Variants in CD38 observed in about 807,000 individuals in gnomAD.
CD38 encodes the protein CD38 molecule.
Under a neutral mutation model 36.3 loss-of-function variants are expected in CD38, and 31 were observed. The observed-to-expected ratio is 0.85, with a 90% CI of 0.64 to 1.15. The LOEUF (loss-of-function observed/expected upper bound fraction) is 1.15. Ranked by LOEUF, CD38 falls within the 50% of genes most tolerant of loss-of-function variation. The pLI, the probability that CD38 is intolerant of heterozygous loss-of-function variation, is 0.00. For missense variants in CD38, 380 were observed against 371.9 expected (o/e 1.02, Z -0.18); for synonymous variants, 131 against 135.2 (o/e 0.97, Z 0.22).
intron 3 of CD38, chr4:15,825,754 A>G (rs1264196466): frequency 6.6e-6 from 1 of 152,238 alleles, no homozygotes; most frequent in Non-Finnish European, 1.5e-5. Context: ...AGTCTAGAAC[A>G]GGATGAGGTC....
At chr4:15,840,202 C>G in intron 6 of CD38, 84 bp downstream of exon 6, 1 of 961,516 alleles carries the variant, frequency 1.0e-6, no homozygotes. Context: ...GCACTGGGAA[C>G]AAATTGACTC....
intron 2 of CD38, among the ~76,000 whole-genome samples, chr4:15,820,068 A>T (rs1304090268): frequency 6.6e-6 from 1 of 152,244 alleles, no homozygotes; most frequent in African/African-American, 2.4e-5. Context: ...ATAATTTCCA[A>T]CCTTGAATTT....
intron 1 of CD38, among the ~76,000 whole-genome samples, chr4:15,789,443 A>C (rs1190533486): frequency 1.3e-5 from 2 of 152,210 alleles, no homozygotes; most frequent in Admixed American, 6.5e-5. Flanking sequence ...CACCGAGTAC[A>C]TTTAAAAGTG....
chr4:15,847,774 CT>C (rs1235730989), intron 7 of CD38, among the ~76,000 whole-genome samples: 1 of 152,100 alleles, frequency 6.6e-6, no homozygotes, highest in Non-Finnish European at 1.5e-5. Flanking sequence ...AAACATTAAC[CT>C]TTTTCTCATA....
intron 3 of CD38, among the ~76,000 whole-genome samples, chr4:15,832,511 G>A (rs1450435862): frequency 6.6e-6 from 1 of 152,158 alleles, no homozygotes; most frequent in Non-Finnish European, 1.5e-5. Context: ...CACTCATGGA[G>A]GTACCACCTT....
rs144803391 is a variant in CD38, at chr4:15,833,327, T to C, written c.500-890T>C. ...CAGGGCCCAAGGGCTCTTCAGTTAG[T>C]AGGTGATGAATTCTCTCCAGATGTC... On this transcript the variant is annotated intron_variant, in intron 3 of 7. Transcript: ENST00000226279. Among the ~76,000 whole-genome samples the C allele has an allele frequency of 1.1e-3, 161 of 152,304 alleles. 3 individuals carry two copies. Among genetic ancestry groups the C allele is most frequent in the Non-Finnish European group, 2.4e-4 (16 of 68,028 alleles).
At chr4:15,817,080 T>A (rs1184342927) in intron 2 of CD38, among the ~76,000 whole-genome samples, 1 of 152,224 alleles carries the variant, frequency 6.6e-6, no homozygotes, top group Non-Finnish European at 1.5e-5. Context: ...AATCCTTACT[T>A]TCTTAGGCCT....
intron 1 of CD38, among the ~76,000 whole-genome samples, chr4:15,811,264 T>G (rs1303109643): frequency 7.6e-6 from 1 of 131,452 alleles, no homozygotes; most frequent in African/African-American, 3.3e-5. Context: ...CGTAGGATTT[T>G]AATTTTGATA....
intron 1 of CD38, among the ~76,000 whole-genome samples, chr4:15,798,907 T>G (rs756125246): frequency 1.4e-4 from 22 of 152,248 alleles, no homozygotes; most frequent in Non-Finnish European, 2.9e-4. Context: ...GAATTGTCTC[T>G]ACACATTCAG....
chr4:15,813,152 A>C (rs1723507773), intron 1 of CD38, among the ~76,000 whole-genome samples: 1 of 152,208 alleles, frequency 6.6e-6, no homozygotes, highest in Non-Finnish European at 1.5e-5. Flanking sequence ...ACTCCAATAC[A>C]ATGTTGAATA....
At chr4:15,793,494 A>G (rs1723048682) in intron 1 of CD38, among the ~76,000 whole-genome samples, 1 of 152,180 alleles carries the variant, frequency 6.6e-6, no homozygotes, top group East Asian at 1.9e-4. Context: ...ACATATGTGC[A>G]TATATATTAT....
At chr4:15,833,041 A>C (rs895678972) in intron 3 of CD38, among the ~76,000 whole-genome samples, 3 of 152,204 alleles carry the variant, frequency 2.0e-5, no homozygotes, top group Non-Finnish European at 1.5e-5. Flanking sequence ...CTGCCAGTGT[A>C]CTGTTAATAT....
In CD38 at chr4:15,849,109, G is replaced by T. The variant is rs1724332016; in HGVS notation, c.*507G>T. On this transcript the variant is annotated 3_prime_UTR_variant, in exon 8 of 8. Coordinates refer to ENST00000226279, the MANE Select transcript of CD38 (RefSeq NM_001775.4). ...CATGTTGGTGAAAATTATTCTGTAG[G>T]ATATAAGCTACCCACGTACTTGGTG... 6.6e-6 allele frequency: 1 copy of T among 152,644 alleles called. No homozygotes were observed. Among genetic ancestry groups the T allele is most frequent in the Admixed American group, 6.5e-5 (1 of 15,350 alleles). The allele number at this position is 152,644 out of a possible 1,614,324, so 9.5% of individuals were successfully genotyped here.
At chr4:15,821,793 CA>C (rs1216158269) in intron 2 of CD38, among the ~76,000 whole-genome samples, 1 of 150,732 alleles carries the variant, frequency 6.6e-6, no homozygotes, top group African/African-American at 2.4e-5. Flanking sequence ...GAAACTGTTC[CA>C]AAAAATTGAA....
intron 1 of CD38, among the ~76,000 whole-genome samples, chr4:15,806,956 T>G (rs1393658025): frequency 6.6e-6 from 1 of 152,164 alleles, no homozygotes; most frequent in African/African-American, 2.4e-5. Context: ...ATTATGGCAG[T>G]CCAATTGTCA....
At chr4:15,797,750 GTGT>G (rs1169416462) in intron 1 of CD38, among the ~76,000 whole-genome samples, 1 of 152,064 alleles carries the variant, frequency 6.6e-6, no homozygotes, top group African/African-American at 2.4e-5. Context: ...CTTGTTGATG[GTGT>G]TGTCCCAGTG....
At chr4:15,811,072 T>G (rs969996366) in intron 1 of CD38, among the ~76,000 whole-genome samples, 1 of 152,218 alleles carries the variant, frequency 6.6e-6, no homozygotes, top group Non-Finnish European at 1.5e-5. Flanking sequence ...TTTATATCTC[T>G]TATGAAAAAA....
At chr4:15,796,605 CAT>C (rs1464189606) in intron 1 of CD38, among the ~76,000 whole-genome samples, 2 of 152,036 alleles carry the variant, frequency 1.3e-5, no homozygotes, top group Non-Finnish European at 2.9e-5. Context: ...AAAGAAATAA[CAT>C]GTTACAAATA....
At chr4:15,783,058 C>T (rs548909417) in intron 1 of CD38, among the ~76,000 whole-genome samples, 1 of 152,194 alleles carries the variant, frequency 6.6e-6, no homozygotes, top group African/African-American at 2.4e-5. Flanking sequence ...GAACAGATCA[C>T]CTCTGGTTCT....
Sources: gnomAD v4.1 joint callset for allele counts (sites outside exome capture counted in the v4.1 genomes callset) on GRCh38, gnomAD v4.1.1 for gene constraint, MANE v1.5 for transcripts, NCBI Gene and HGNC (gene_info 2026-07-23, HGNC 2026-07-21) for gene names.